HSD11B1: variants seen among roughly 807,000 people sequenced by gnomAD.
HSD11B1 encodes 11-beta-hydroxysteroid dehydrogenase 1.
Under a neutral mutation model 22.1 loss-of-function variants are expected in HSD11B1, and 15 were observed. The observed-to-expected ratio is 0.68, with a 90% CI of 0.45 to 1.04. The LOEUF is 1.04. HSD11B1 is among the 50% of genes least tolerant of loss of function. HSD11B1 has a pLI of 0.00. For missense variants in HSD11B1, 281 were observed against 357.6 expected, an observed-to-expected ratio of 0.79 and a Z score of 1.73; for synonymous variants, 122 against 125.2, an observed-to-expected ratio of 0.97 and a Z score of 0.17.
In HSD11B1 at chr1:209,706,448, G is replaced by A. The variant is rs1174728986; in HGVS notation, c.220-261G>A. 2.0e-5 allele frequency among the ~76,000 whole-genome samples: 3 copies of A among 152,116 alleles called. No individual in the cohort carries two copies. Among genetic ancestry groups the A allele is most frequent in the Admixed American group, 6.5e-5 (1 of 15,268 alleles). On this transcript the variant is annotated intron_variant, in intron 2 of 5. Transcript: ENST00000367027. This position sits in a 1 kb window ranked among gnomAD's most constrained non-coding sequence, Gnocchi z 4.0. ...CCCTCAGAAATGCCTATTCACAGAA[G>A]CCATGAGCATAAATCATGAACTTAA... is the stretch of plus-strand genomic sequence containing the variant.
chr1:209,703,258 T>C (rs2076835550), upstream of HSD11B1, among the ~76,000 whole-genome samples: 1 of 152,204 alleles, frequency 6.6e-6, no homozygotes, highest in African/African-American at 2.4e-5. Context: ...TAACTTTTCA[T>C]TGTTTCCTAT....
At position 209,734,336 on chromosome 1, in the gene HSD11B1, C is replaced by A; in HGVS notation, c.694C>A (p.His232Asn). The A allele has an allele frequency of 1.2e-6, 2 of 1,614,042 alleles. No individual in the cohort carries two copies. The highest frequency in any genetic ancestry group is 1.7e-6 in the Non-Finnish European group (2 of 1,179,984). Residue 232 changes from histidine (H) to asparagine (N), a missense_variant, in exon 6 of 6, where the codon CAT (histidine) becomes AAT (asparagine). Physicochemically the swap from His to Asn is moderately conservative, Grantham distance 68. Transcript: ENST00000367027. ...CATGAAGGCAGTTTCTGGGATAGTC[C>A]ATATGCAAGCAGCTCCAAAGGAGGA... ...TAMKAVSGIVHMQAAPKEECA... is the reference protein window; with the variant it reads ...TAMKAVSGIVNMQAAPKEECA...
At chr1:209,691,380 C>T (rs537137113) in intron 1 of HSD11B1, among the ~76,000 whole-genome samples, 1 of 152,258 alleles carries the variant, frequency 6.6e-6, no homozygotes, top group South Asian at 2.1e-4. Flanking sequence ...AAAACATTTC[C>T]TTATCATACA....
chr1:209,707,161 AAG>A, intron 4 of HSD11B1, 33 bp downstream of exon 4: 1 of 1,543,938 alleles, frequency 6.5e-7, no homozygotes, highest in Non-Finnish European at 8.8e-7. Context: ...TGGAAGGTAG[AAG>A]AAAAAAAAAA....
chr1:209,693,587 A>C (rs1371205556), intron 1 of HSD11B1, among the ~76,000 whole-genome samples: 1 of 152,244 alleles, frequency 6.6e-6, no homozygotes, highest in Non-Finnish European at 1.5e-5. Context: ...GTGCCATATC[A>C]TCTGGAGTAT....
intron 1 of HSD11B1, among the ~76,000 whole-genome samples, chr1:209,693,063 C>T (rs2076770678): frequency 6.6e-6 from 1 of 152,182 alleles, no homozygotes. Flanking sequence ...AAGTAGCCAT[C>T]CGAGCTGTCT....
intron 1 of HSD11B1, among the ~76,000 whole-genome samples, chr1:209,698,842 C>G (rs962124450): frequency 6.6e-6 from 1 of 152,188 alleles, no homozygotes; most frequent in Non-Finnish European, 1.5e-5. Context: ...TCGTGAGGGT[C>G]TCTTCTTTCC....
At chr1:209,697,100 G>A (rs1408494406) in intron 1 of HSD11B1, among the ~76,000 whole-genome samples, 1 of 152,164 alleles carries the variant, frequency 6.6e-6, no homozygotes, top group Non-Finnish European at 1.5e-5. Context: ...TCCAACAGTG[G>A]GCATTCATGG....
At position 209,707,141 on chromosome 1, in the gene HSD11B1, G is replaced by A. The variant is rs2076865213; in HGVS notation, c.517+13G>A. On this transcript the variant is annotated intron_variant, in intron 4 of 5. Coordinates refer to ENST00000367027, the MANE Select transcript of HSD11B1 (RefSeq NM_005525.4). The stretch of plus-strand genomic sequence containing the variant: ...TCCTCTCTGGCTGGTAAGTGGGACA[G>A]GGACATATGTGGAAGGTAGAAGAAA... 1 of 1,606,054 alleles carries A rather than the reference G, an allele frequency of 6.2e-7. No individual in the cohort carries two copies. The highest frequency in any genetic ancestry group is 1.7e-5 in the Admixed American group (1 of 59,828).
chr1:209,709,664 T>C (rs1353943347), intron 4 of HSD11B1, among the ~76,000 whole-genome samples: 2 of 152,138 alleles, frequency 1.3e-5, no homozygotes, highest in Non-Finnish European at 2.9e-5. Flanking sequence ...CACCTGCATG[T>C]CCAAGATGGC....
chr1:209,707,625 G>T (rs2076868693), intron 4 of HSD11B1, among the ~76,000 whole-genome samples: 1 of 151,860 alleles, frequency 6.6e-6, no homozygotes, highest in Non-Finnish European at 1.5e-5. Flanking sequence ...AAGGTAGATG[G>T]GCTACAAAAT....
At chr1:209,732,690 C>T in intron 5 of HSD11B1, 111 bp downstream of exon 5, 1 of 900,952 alleles carries the variant, frequency 1.1e-6, no homozygotes, top group African/African-American at 1.7e-5. Context: ...TGTTGGTGTG[C>T]TGCACCCATT....
chr1:209,732,587 C>A lies in HSD11B1; in HGVS notation c.661+8C>A. The A allele has an allele frequency of 6.2e-7, 1 of 1,608,950 alleles. No homozygotes were observed. Among genetic ancestry groups the A allele is most frequent in the Non-Finnish European group, 8.5e-7 (1 of 1,175,606 alleles). Reference sequence around the variant, plus strand: ...TTGGCCTCATAGACACAGGTAAGGTCAATACTTTGTGTTTTTTTTTAATTA... The same window carrying A: ...TTGGCCTCATAGACACAGGTAAGGTAAATACTTTGTGTTTTTTTTTAATTA... On this transcript the variant is annotated splice_region_variant and intron_variant, in intron 5 of 5. Coordinates refer to ENST00000367027, the MANE Select transcript of HSD11B1 (RefSeq NM_005525.4).
intron 4 of HSD11B1, among the ~76,000 whole-genome samples, chr1:209,726,377 A>C (rs946160405): frequency 6.6e-6 from 1 of 151,024 alleles, no homozygotes; most frequent in African/African-American, 2.4e-5. Context: ...CCAAGGCAGG[A>C]GGATCACTTG....
upstream of HSD11B1, among the ~76,000 whole-genome samples, chr1:209,704,626 G>A (rs915295451): frequency 2.6e-5 from 4 of 152,172 alleles, no homozygotes; most frequent in East Asian, 5.8e-4. Context: ...AGATGGACTC[G>A]GGTAGGGATG....
At chr1:209,699,569 T>C (rs1308631774) in intron 1 of HSD11B1, among the ~76,000 whole-genome samples, 2 of 151,998 alleles carry the variant, frequency 1.3e-5, no homozygotes, top group African/African-American at 4.8e-5. Context: ...AAGCTGAGAT[T>C]TGGGTAAGGA....
At chr1:209,720,624 T>C (rs771287255) in intron 4 of HSD11B1, among the ~76,000 whole-genome samples, 10 of 151,132 alleles carry the variant, frequency 6.6e-5, no homozygotes, top group South Asian at 2.1e-4. Context: ...GCCAAGGTCA[T>C]GAAAATAAAG....
chr1:209,694,882 T>C (rs2076781488), intron 1 of HSD11B1, among the ~76,000 whole-genome samples: 1 of 151,974 alleles, frequency 6.6e-6, no homozygotes, highest in Non-Finnish European at 1.5e-5. Context: ...TGTGAGGAGG[T>C]CACTAAAGCA....
chr1:209,727,057 G>T (rs2077006853), intron 4 of HSD11B1, among the ~76,000 whole-genome samples: 1 of 152,172 alleles, frequency 6.6e-6, no homozygotes, highest in Non-Finnish European at 1.5e-5. Flanking sequence ...ATGTAACTAA[G>T]ATCTCAAGAT....
Sources: gnomAD v4.1 joint callset for allele counts (sites outside exome capture counted in the v4.1 genomes callset) on GRCh38, gnomAD v4.1.1 for gene constraint, Gnocchi (gnomAD v3.1) non-coding constraint, MANE v1.5 for transcripts, NCBI Gene and HGNC (gene_info 2026-07-23, HGNC 2026-07-21) for gene names.